Variants in PVT1 observed in about 807,000 individuals in gnomAD.
PVT1 encodes the protein CXCR4/PVT1 fusion.
At chr8:128,054,294 A>G (rs1277559756) in intron 4 of PVT1, among the ~76,000 whole-genome samples, 1 of 144,168 alleles carries the variant, frequency 6.9e-6, no homozygotes, top group East Asian at 2.1e-4. Context: ...TTGTAGTGGC[A>G]AAATGGGATT....
At chr8:127,998,515 C>T (rs1320226962) in intron 4 of PVT1, among the ~76,000 whole-genome samples, 1 of 146,938 alleles carries the variant, frequency 6.8e-6, no homozygotes, top group Non-Finnish European at 1.5e-5. Context: ...TTTCTTTCTT[C>T]CTTTTCTTTC....
At chr8:128,004,564 C>A (rs1420124258) in intron 4 of PVT1, among the ~76,000 whole-genome samples, 1 of 152,162 alleles carries the variant, frequency 6.6e-6, no homozygotes, top group East Asian at 1.9e-4. Flanking sequence ...TAGTACCCAT[C>A]TCATCAGATG....
At chr8:127,922,948 G>C (rs751457389) in intron 3 of PVT1, among the ~76,000 whole-genome samples, 2 of 152,210 alleles carry the variant, frequency 1.3e-5, no homozygotes, top group Non-Finnish European at 2.9e-5. Context: ...AGCATTAGTG[G>C]CCATCTCCCC....
chr8:128,044,199 C>CTTTCTTGG (rs1813584761), intron 4 of PVT1, among the ~76,000 whole-genome samples: 1 of 137,774 alleles, frequency 7.3e-6, no homozygotes, highest in East Asian at 2.2e-4. Flanking sequence ...GCAGACAGCA[C>CTTTCTTGG]CCACCTCGCA....
intron 2 of PVT1, among the ~76,000 whole-genome samples, chr8:127,877,579 T>C (rs1019144156): frequency 6.6e-6 from 1 of 152,108 alleles, no homozygotes; most frequent in Non-Finnish European, 1.5e-5. Flanking sequence ...ACACCGCACA[T>C]CTACTACTGT....
intron 3 of PVT1, among the ~76,000 whole-genome samples, chr8:127,924,325 A>G (rs866103497): frequency 1.3e-5 from 2 of 152,200 alleles, no homozygotes; most frequent in African/African-American, 4.8e-5. Context: ...AAGGTATACA[A>G]CACAATTTTT....
rs116837794 is a variant in PVT1 at position 128,065,954 on chromosome 8, G to C, written n.913-4206G>C. ...AGGCAGATAGGGAGCTTAGAACCTA[G>C]TCTGTGACACAGGCAACAACAGATG... On this transcript the variant is annotated intron_variant and non_coding_transcript_variant, in intron 4 of 10. Transcript: ENST00000651587. Among the ~76,000 whole-genome samples, 1,172 of 152,338 alleles carry C rather than the reference G, an allele frequency of 7.7e-3. 13 individuals carry two copies. Among genetic ancestry groups the C allele is most frequent in the African/African-American group, 0.027 (1,132 of 41,564 alleles).
At chr8:128,096,305 TGGGCA>T (rs1425076925) in intron 5 of PVT1, among the ~76,000 whole-genome samples, 2 of 152,194 alleles carry the variant, frequency 1.3e-5, no homozygotes, top group Non-Finnish European at 2.9e-5. Flanking sequence ...CTCTCTTTGA[TGGGCA>T]GGGCCCACAG....
intron 6 of PVT1, among the ~76,000 whole-genome samples, chr8:128,097,583 C>T (rs1814445461): frequency 6.6e-6 from 1 of 152,070 alleles, no homozygotes; most frequent in South Asian, 2.1e-4. Flanking sequence ...CAGTACTGAC[C>T]ACACCCCAGG....
chr8:127,812,886 C>A (rs1814614438), intron 2 of PVT1, among the ~76,000 whole-genome samples: 1 of 152,018 alleles, frequency 6.6e-6, no homozygotes, highest in Non-Finnish European at 1.5e-5. Flanking sequence ...GTCAGGCTCT[C>A]ACAGGGAACA....
chr8:127,918,958 C>T (rs1399169983), intron 3 of PVT1, among the ~76,000 whole-genome samples: 2 of 152,280 alleles, frequency 1.3e-5, no homozygotes, highest in East Asian at 1.9e-4. Context: ...TTCTTCCTCT[C>T]GCGGGGTCGT....
At chr8:127,889,438 T>A (rs573011097) in intron 2 of PVT1, among the ~76,000 whole-genome samples, 4 of 148,262 alleles carry the variant, frequency 2.7e-5, no homozygotes, top group Non-Finnish European at 6.0e-5. Flanking sequence ...CCTCAAACCC[T>A]TTTCCTGTGA....
chr8:128,091,725 A>G (rs1369215427), intron 5 of PVT1, among the ~76,000 whole-genome samples: 1 of 152,240 alleles, frequency 6.6e-6, no homozygotes, highest in Non-Finnish European at 1.5e-5. Context: ...ACAGTATTTC[A>G]TGTATATATA....
chr8:127,814,073 G>T (rs1438631224), intron 2 of PVT1, among the ~76,000 whole-genome samples: 1 of 152,182 alleles, frequency 6.6e-6, no homozygotes, highest in Non-Finnish European at 1.5e-5. Flanking sequence ...ATGAACCACC[G>T]CCCCCGGCCG....
chr8:127,959,586 G>GAAAAAA (rs34255005), intron 3 of PVT1, among the ~76,000 whole-genome samples: 61 of 76,502 alleles, frequency 8.0e-4, no homozygotes, highest in South Asian at 1.1e-3. Context: ...TCTGTCTCAG[G>GAAAAAA]AAAAAAAAAA....
chr8:127,863,865 G>T (rs1035858027), intron 2 of PVT1, among the ~76,000 whole-genome samples: 3 of 152,184 alleles, frequency 2.0e-5, no homozygotes, highest in Admixed American at 2.0e-4. Context: ...TGTGGCCAGG[G>T]CTTTGCTTTG....
At chr8:127,858,406 C>CT (rs1283272538) in intron 2 of PVT1, among the ~76,000 whole-genome samples, 2 of 106,926 alleles carry the variant, frequency 1.9e-5, no homozygotes, top group African/African-American at 7.4e-5. Flanking sequence ...GACTCTGTCT[C>CT]AAAATAAATA....
intron 4 of PVT1, among the ~76,000 whole-genome samples, chr8:128,032,576 C>T (rs754950172): frequency 1.3e-5 from 2 of 152,308 alleles, no homozygotes; most frequent in South Asian, 2.1e-4. Flanking sequence ...ATTTTTGCCA[C>T]GGCAATGCCA....
chr8:128,098,381 G>T (rs868829564), intron 6 of PVT1, among the ~76,000 whole-genome samples: 2 of 152,122 alleles, frequency 1.3e-5, no homozygotes, highest in African/African-American at 4.8e-5. Flanking sequence ...GGTGCAGGAG[G>T]GGGTGCGAAT....
Sources: allele counts gnomAD v4.1 joint callset (sites outside exome capture counted in the v4.1 genomes callset), GRCh38; gene constraint gnomAD v4.1.1; transcripts MANE v1.5; gene names NCBI Gene and HGNC (gene_info 2026-07-23, HGNC 2026-07-21).